Variants in RPSA2 observed in about 807,000 individuals in gnomAD.
RPSA2 encodes ribosomal protein SA 2, also known as small ribosomal subunit protein uS2B.
At chr19:23,775,828 G>A in the RPSA2 span, among the ~76,000 whole-genome samples, 2 of 152,210 alleles carry the variant, frequency 1.3e-5, no homozygotes, top group African/African-American at 2.4e-5. Context: ...TGTGACTTGT[G>A]TGCTTAGATC....
At chr19:23,761,898 G>A in the RPSA2 span, among the ~76,000 whole-genome samples, 5 of 12,498 alleles carry the variant, frequency 4.0e-4, no homozygotes, top group African/African-American at 5.6e-4. Flanking sequence ...TTTGGGTAAC[G>A]TAATTCTTTC....
the RPSA2 span, among the ~76,000 whole-genome samples, chr19:23,864,060 C>T: frequency 1.3e-5 from 2 of 152,162 alleles, no homozygotes; most frequent in African/African-American, 4.8e-5. Flanking sequence ...CACAAGAAGA[C>T]CGAACATGCA....
At chr19:23,832,693 A>C in the RPSA2 span, 2 of 1,505,644 alleles carry the variant, frequency 1.3e-6, no homozygotes, top group Non-Finnish European at 1.8e-6. Context: ...TGGTCATAAG[A>C]GGATGCACAC....
At chr19:23,839,548 T>C in the RPSA2 span, among the ~76,000 whole-genome samples, 1 of 152,144 alleles carries the variant, frequency 6.6e-6, no homozygotes, top group Non-Finnish European at 1.5e-5. Context: ...TGTGGTAAAA[T>C]AAAAAGGCTT....
chr19:23,796,612 T>C, the RPSA2 span, among the ~76,000 whole-genome samples: 1 of 152,256 alleles, frequency 6.6e-6, no homozygotes, highest in African/African-American at 2.4e-5. Context: ...TCTTTATTAC[T>C]AATTCAATTT....
the RPSA2 span, chr19:23,782,566 A>G: frequency 6.6e-6 from 1 of 152,188 alleles, no homozygotes. Context: ...CACAGAATAG[A>G]GAGTGACTTA....
chr19:23,831,845 A>G, the RPSA2 span: 1 of 284,616 alleles, frequency 3.5e-6, no homozygotes, highest in Non-Finnish European at 7.4e-6. Context: ...TAAATTTTTA[A>G]ATTCAAACAA....
chr19:23,767,205 G>C, the RPSA2 span, among the ~76,000 whole-genome samples: 18 of 152,210 alleles, frequency 1.2e-4, no homozygotes, highest in African/African-American at 4.3e-4. Context: ...CCCTCCCAAA[G>C]ATTTGGGGTT....
chr19:23,860,014 A>G, the RPSA2 span, among the ~76,000 whole-genome samples: 2 of 152,228 alleles, frequency 1.3e-5, no homozygotes, highest in Admixed American at 6.5e-5. Flanking sequence ...GGGAAAATGT[A>G]TTCTATCAAA....
At chr19:23,848,821 G>C in the RPSA2 span, among the ~76,000 whole-genome samples, 2 of 152,140 alleles carry the variant, frequency 1.3e-5, no homozygotes, top group African/African-American at 4.8e-5. Flanking sequence ...GGTGGAATTG[G>C]CTTGCCAATC....
At chr19:23,857,560 G>A in the RPSA2 span, among the ~76,000 whole-genome samples, 4 of 129,652 alleles carry the variant, frequency 3.1e-5, no homozygotes, top group Admixed American at 3.5e-4. Flanking sequence ...GTTCAATCTT[G>A]GCTCACTGCA....
At chr19:23,839,656 C>T in the RPSA2 span, among the ~76,000 whole-genome samples, 1 of 152,244 alleles carries the variant, frequency 6.6e-6, no homozygotes, top group Non-Finnish European at 1.5e-5. Context: ...TTATGAAGTT[C>T]AGCTAGGGAA....
the RPSA2 span, among the ~76,000 whole-genome samples, chr19:23,856,243 G>C: frequency 1.3e-5 from 2 of 152,026 alleles, no homozygotes; most frequent in Non-Finnish European, 2.9e-5. Context: ...ACCCCAAACG[G>C]TGACAGGAAC....
chr19:23,774,546 G>T, the RPSA2 span, among the ~76,000 whole-genome samples: 1 of 152,128 alleles, frequency 6.6e-6, no homozygotes, highest in Admixed American at 6.6e-5. Context: ...ATATTACTGG[G>T]CTCAACAAGG....
chr19:23,843,008 C>G, the RPSA2 span, among the ~76,000 whole-genome samples: 1 of 152,178 alleles, frequency 6.6e-6, no homozygotes, highest in Non-Finnish European at 1.5e-5. Flanking sequence ...AGCTAAGGAC[C>G]CAGAAATGTA....
the RPSA2 span, among the ~76,000 whole-genome samples, chr19:23,767,914 C>T: frequency 0.98 from 148,585 of 151,890 alleles, 72,767 homozygotes; most frequent in Middle Eastern, 1. Context: ...TTACAGGCGC[C>T]CACCAGCATG....
chr19:23,853,157 T>C, the RPSA2 span, among the ~76,000 whole-genome samples: 57 of 152,358 alleles, frequency 3.7e-4, no homozygotes, highest in East Asian at 0.01. Flanking sequence ...CTCCTGATTA[T>C]TGATAGATGG....
At chr19:23,823,015 C>T in the RPSA2 span, among the ~76,000 whole-genome samples, 2 of 152,160 alleles carry the variant, frequency 1.3e-5, no homozygotes, top group Admixed American at 6.5e-5. Flanking sequence ...TACAAGGGAA[C>T]TGGTCTAGGT....
At chr19:23,854,858 G>T in the RPSA2 span, among the ~76,000 whole-genome samples, 1 of 152,120 alleles carries the variant, frequency 6.6e-6, no homozygotes, top group Non-Finnish European at 1.5e-5. Context: ...TTTAATATAT[G>T]CAGGCAACAC....
Sources: gnomAD v4.1 joint callset for allele counts (sites outside exome capture counted in the v4.1 genomes callset) on GRCh38, gnomAD v4.1.1 for gene constraint, MANE v1.5 for transcripts, NCBI Gene and HGNC (gene_info 2026-07-23, HGNC 2026-07-21) for gene names.